Variants in TTC34 observed in about 807,000 individuals in gnomAD.
The protein encoded by TTC34 is tetratricopeptide repeat domain 34.
Under a neutral mutation model 40.7 loss-of-function variants are expected in TTC34, and 44 were observed. The ratio of observed to expected loss-of-function variants is 1.08; its 90% confidence interval spans 0.85 to 1.39. TTC34 has a LOEUF of 1.39. TTC34 is among the 40% of genes most tolerant of loss of function. TTC34 has a pLI of 0.00. For missense variants in TTC34, 884 were observed against 838.0 expected (o/e 1.05, Z -0.68); for synonymous variants, 422 against 398.6 (o/e 1.06, Z -0.70).
intron 6 of TTC34, among the ~76,000 whole-genome samples, chr1:2,657,366 G>T (rs1207342292): frequency 1.0e-5 from 1 of 95,548 alleles, no homozygotes; most frequent in Non-Finnish European, 2.8e-5. Flanking sequence ...TGACAACTTG[G>T]AGCAGCACCC....
At chr1:2,699,310 CGCATGGAGCAGCAGCCA>C (rs1641018712) in intron 6 of TTC34, among the ~76,000 whole-genome samples, 2 of 98,280 alleles carry the variant, frequency 2.0e-5, no homozygotes, top group Admixed American at 1.1e-4. Context: ...AGCATCTGAC[CGCATGGAGCAGCAGCCA>C]CAACTCCAGG....
At chr1:2,647,919 T>C (rs1330226193) in intron 6 of TTC34, among the ~76,000 whole-genome samples, 2 of 152,218 alleles carry the variant, frequency 1.3e-5, no homozygotes, top group African/African-American at 4.8e-5. Flanking sequence ...TTTGGCAGTT[T>C]CCAATCTGCT....
At chr1:2,650,000 G>A (rs776581046) in intron 6 of TTC34, among the ~76,000 whole-genome samples, 43 of 150,736 alleles carry the variant, frequency 2.9e-4, no homozygotes, top group Non-Finnish European at 5.6e-4. Context: ...GCCTGGAATG[G>A]CACTCTGCAT....
intron 6 of TTC34, among the ~76,000 whole-genome samples, chr1:2,683,567 C>G (rs1442363735): frequency 7.0e-6 from 1 of 142,432 alleles, no homozygotes. Flanking sequence ...AGGTGAGCAT[C>G]CGACAGCCTG....
rs1640749060 is a variant in TTC34, at chr1:2,694,054, A to G, written c.2227-48491T>C. Among the ~76,000 whole-genome samples the G allele has an allele frequency of 4.8e-5, 4 of 83,378 alleles. No individual in the cohort carries two copies. In the South Asian group the frequency reaches 1.4e-3, roughly 29 times the overall value. The allele number at this position is 83,378 out of a possible 152,430, so 54.7% of individuals were successfully genotyped here. A position where few individuals can be genotyped will look rare whatever the true frequency, so the allele number is the denominator to read the frequency against. ...CCCAGGCGAGCATCTCACAGCACGT[A>G]ACAGCACCCACACACCCAGGTGAGC... On this transcript the variant is annotated intron_variant, in intron 6 of 8. Transcript: ENST00000401095.
intron 6 of TTC34, among the ~76,000 whole-genome samples, chr1:2,694,670 C>A (rs1320297667): frequency 2.5e-5 from 2 of 80,200 alleles, no homozygotes; most frequent in African/African-American, 4.0e-5. Context: ...AGCACACACA[C>A]CGCCAGGTGA....
intron 6 of TTC34, among the ~76,000 whole-genome samples, chr1:2,683,365 T>A: frequency 1.6e-5 from 2 of 128,594 alleles, no homozygotes; most frequent in Admixed American, 8.5e-5. Context: ...CAGGTGAGCA[T>A]CTGATGGCTT....
At chr1:2,686,488 T>A (rs1403625602) in intron 6 of TTC34, among the ~76,000 whole-genome samples, 11 of 92,010 alleles carry the variant, frequency 1.2e-4, no homozygotes, top group Non-Finnish European at 2.0e-5. Flanking sequence ...CATGCCCAGC[T>A]GAGCCTGTGA....
chr1:2,642,845 CA>C (rs1271350243), intron 8 of TTC34, among the ~76,000 whole-genome samples: 2 of 152,220 alleles, frequency 1.3e-5, no homozygotes, highest in African/African-American at 4.8e-5. Flanking sequence ...GAGGGGGTCC[CA>C]CGGCCCCGGC....
intron 6 of TTC34, among the ~76,000 whole-genome samples, chr1:2,685,274 TG>T (rs1640280308): frequency 2.4e-5 from 1 of 41,156 alleles, no homozygotes; most frequent in African/African-American, 1.1e-4. Context: ...AACAGCACCC[TG>T]CACCCCCAGG....
At chr1:2,653,361 C>A (rs943505697) in intron 6 of TTC34, among the ~76,000 whole-genome samples, 92 of 146,266 alleles carry the variant, frequency 6.3e-4, no homozygotes, top group South Asian at 1.5e-3. Context: ...TGGAACAGCA[C>A]CCACACCCCC....
chr1:2,690,327 G>T (rs1191548163), intron 6 of TTC34, among the ~76,000 whole-genome samples: 5 of 136,810 alleles, frequency 3.7e-5, no homozygotes, highest in East Asian at 2.3e-4. Flanking sequence ...ACCTCCCAGA[G>T]CAGCACCCAT....
intron 6 of TTC34, among the ~76,000 whole-genome samples, chr1:2,677,650 C>T (rs1056928463): frequency 2.7e-4 from 34 of 126,844 alleles, no homozygotes; most frequent in Admixed American, 6.2e-4. Context: ...AGCACACACA[C>T]CCCCAGGCGA....
exon 3 of TTC34, chr1:2,790,083 G>C (rs1041235475): frequency 2.5e-6 from 1 of 397,952 alleles, no homozygotes; most frequent in African/African-American, 2.1e-5. Flanking sequence ...GGGGCCAGCA[G>C]CTCGCGGCCC....
chr1:2,672,189 ACCCC>A (rs1639723921), intron 6 of TTC34, among the ~76,000 whole-genome samples: 2 of 142,396 alleles, frequency 1.4e-5, no homozygotes, highest in Non-Finnish European at 1.5e-5. Context: ...CAGCACCCAC[ACCCC>A]CAGGTGAGCA....
At chr1:2,786,267 CT>C (rs1329324408) in intron 4 of TTC34, among the ~76,000 whole-genome samples, 1 of 152,232 alleles carries the variant, frequency 6.6e-6, no homozygotes, top group Admixed American at 6.5e-5. Flanking sequence ...TCCTCCCCTA[CT>C]GCCTCGCTGC....
chr1:2,795,515 T>G (rs1247109958), intron 2 of TTC34, among the ~76,000 whole-genome samples: 3 of 152,120 alleles, frequency 2.0e-5, no homozygotes, highest in Non-Finnish European at 4.4e-5. Flanking sequence ...AATTCCAAGG[T>G]GAAGGTGGAA....
At chr1:2,769,882 A>T (rs1157835362) in intron 6 of TTC34, among the ~76,000 whole-genome samples, 2 of 83,506 alleles carry the variant, frequency 2.4e-5, no homozygotes, top group Non-Finnish European at 4.4e-5. Flanking sequence ...CCCCCAGTTG[A>T]GTAGCTGACA....
At chr1:2,685,205 G>C (rs1570810134) in intron 6 of TTC34, among the ~76,000 whole-genome samples, 2 of 140,596 alleles carry the variant, frequency 1.4e-5, no homozygotes, top group East Asian at 2.1e-4. Context: ...ACACCCCCAG[G>C]TGAGCATCTG....
Sources: gnomAD v4.1 joint callset for allele counts (sites outside exome capture counted in the v4.1 genomes callset) on GRCh38, gnomAD v4.1.1 for gene constraint, MANE v1.5 for transcripts, NCBI Gene and HGNC (gene_info 2026-07-23, HGNC 2026-07-21) for gene names.